GRIK4: variants seen among roughly 807,000 people sequenced by gnomAD.
GRIK4 encodes the protein glutamate ionotropic receptor kainate type subunit 4.
In GRIK4, 40 loss-of-function variants were observed where a neutral mutation model predicts 104.9. The observed-to-expected ratio is 0.38, with a 90% CI of 0.30 to 0.50. GRIK4 has a LOEUF of 0.50. Ranked by LOEUF, GRIK4 falls within the 20% of genes least tolerant of loss-of-function variation. The probability of loss-of-function intolerance (pLI) is 0.93; values close to 1 mark genes in which losing one functional copy is unlikely to be tolerated. For missense variants in GRIK4, 1,047 were observed against 1,308.1 expected (o/e 0.80, Z 3.08); for synonymous variants, 485 against 524.9 (o/e 0.92, Z 1.04).
At chr11:120,797,875 C>T (rs932923924) in intron 3 of GRIK4, among the ~76,000 whole-genome samples, 4 of 152,180 alleles carry the variant, frequency 2.6e-5, no homozygotes, top group South Asian at 2.1e-4. Flanking sequence ...CTATTTCCCA[C>T]GTACTCATTT....
intron 11 of GRIK4, among the ~76,000 whole-genome samples, chr11:120,881,704 G>A (rs1954972130): frequency 6.6e-6 from 1 of 152,198 alleles, no homozygotes; most frequent in Admixed American, 6.5e-5. Context: ...TAGGAGGTCA[G>A]GCTGCCTCTC....
intron 3 of GRIK4, among the ~76,000 whole-genome samples, chr11:120,744,309 TC>T (rs1453002228): frequency 2.0e-5 from 3 of 151,782 alleles, no homozygotes; most frequent in South Asian, 4.2e-4. Context: ...GCTTCTTTTT[TC>T]CCCCCGGGCC....
At chr11:120,738,696 G>A (rs1051197098) in intron 3 of GRIK4, among the ~76,000 whole-genome samples, 1 of 152,224 alleles carries the variant, frequency 6.6e-6, no homozygotes, top group Admixed American at 6.5e-5. Flanking sequence ...GGCAACAGCA[G>A]CCAACTGCTG....
At chr11:120,955,663 C>A (rs913221997) in intron 15 of GRIK4, among the ~76,000 whole-genome samples, 7 of 152,216 alleles carry the variant, frequency 4.6e-5, no homozygotes, top group African/African-American at 1.7e-4. Flanking sequence ...CCCCACCTCA[C>A]CCCAAGGCAC....
chr11:120,784,973 T>C (rs1952234561), intron 3 of GRIK4, among the ~76,000 whole-genome samples: 1 of 152,206 alleles, frequency 6.6e-6, no homozygotes, highest in South Asian at 2.1e-4. Context: ...GAAGCTGATC[T>C]GGGCTAGGTC....
intron 1 of GRIK4, among the ~76,000 whole-genome samples, chr11:120,536,642 G>T (rs1453003643): frequency 3.3e-5 from 5 of 152,150 alleles, no homozygotes; most frequent in African/African-American, 1.2e-4. Flanking sequence ...GCCTGTTCTG[G>T]TTGACGTATG....
rs1409191732 is a variant in GRIK4 at position 120,543,184 on chromosome 11, G to A, written c.-159+31297G>A. 2.0e-5 allele frequency among the ~76,000 whole-genome samples: 3 copies of A among 152,196 alleles called. No homozygotes were observed. The East Asian group carries it at 5.8e-4, about 29-fold the overall frequency. On this transcript the variant is annotated intron_variant, in intron 1 of 20. Transcript: ENST00000527524. ...GTACTAGGCTTAGTACCTGGGTGAT[G>A]AAATAATCTGTACATCAAACCCTGT... is the stretch of plus-strand genomic sequence containing the variant.
intron 1 of GRIK4, among the ~76,000 whole-genome samples, chr11:120,631,542 G>A (rs186136810): frequency 3.7e-4 from 56 of 152,170 alleles, no homozygotes; most frequent in African/African-American, 1.3e-3. Context: ...ACTCAGCAGC[G>A]TCCCCCTCCC....
chr11:120,924,009 G>A (rs988675813), intron 13 of GRIK4, among the ~76,000 whole-genome samples: 9 of 152,252 alleles, frequency 5.9e-5, no homozygotes, highest in East Asian at 1.9e-4. Context: ...AAGTCCTGGG[G>A]GGCGATTACA....
At chr11:120,519,107 T>C (rs1947765047) in intron 1 of GRIK4, among the ~76,000 whole-genome samples, 1 of 152,248 alleles carries the variant, frequency 6.6e-6, no homozygotes, top group South Asian at 2.1e-4. Context: ...GGATAGGGCC[T>C]TGTGCTTTTG....
At chr11:120,593,550 C>G (rs1015839726) in intron 1 of GRIK4, among the ~76,000 whole-genome samples, 1 of 152,120 alleles carries the variant, frequency 6.6e-6, no homozygotes, top group Non-Finnish European at 1.5e-5. Flanking sequence ...TTGACTCCCC[C>G]TTTACTCCTG....
intron 1 of GRIK4, among the ~76,000 whole-genome samples, chr11:120,570,683 T>G (rs937729440): frequency 2.6e-5 from 4 of 152,170 alleles, no homozygotes; most frequent in Non-Finnish European, 5.9e-5. Flanking sequence ...CTCGAACTGC[T>G]GGGTTCAAGT....
chr11:120,535,379 T>G (rs1565541682), intron 1 of GRIK4, among the ~76,000 whole-genome samples: 10 of 132,880 alleles, frequency 7.5e-5, no homozygotes, highest in South Asian at 2.4e-4. Flanking sequence ...AAGGGGGAGG[T>G]AAGAGGGAGG....
intron 3 of GRIK4, among the ~76,000 whole-genome samples, chr11:120,759,859 T>C (rs781508069): frequency 5.3e-5 from 8 of 152,078 alleles, no homozygotes; most frequent in Admixed American, 2.0e-4. Context: ...TTTTATTGTA[T>C]ATATTTGAGG....
At chr11:120,937,189 C>T (rs181643786) in intron 13 of GRIK4, among the ~76,000 whole-genome samples, 6 of 152,272 alleles carry the variant, frequency 3.9e-5, no homozygotes, top group East Asian at 3.9e-4. Context: ...CAGACGTGCA[C>T]CACCATGCCC....
chr11:120,513,562 G>A lies in GRIK4; in HGVS notation c.-159+1675G>A, dbSNP rs1050693075. 2.0e-5 allele frequency among the ~76,000 whole-genome samples: 3 copies of A among 152,198 alleles called. No homozygotes were observed. Among genetic ancestry groups the A allele is most frequent in the Non-Finnish European group, 4.4e-5 (3 of 68,048 alleles). ...GGTTTATTATTTTTCTCACTGGCCA[G>A]ATGTGTTCCTCAAGGTCACGACCCT... is the stretch of plus-strand genomic sequence containing the variant. On this transcript the variant is annotated intron_variant, in intron 1 of 20. Coordinates refer to ENST00000527524, the MANE Select transcript of GRIK4 (RefSeq NM_014619.5). This position sits in a 1 kb window ranked among gnomAD's most constrained non-coding sequence, Gnocchi z 4.5.
chr11:120,831,342 C>G (rs948575703), intron 6 of GRIK4, among the ~76,000 whole-genome samples: 1 of 152,230 alleles, frequency 6.6e-6, no homozygotes, highest in Admixed American at 6.5e-5. Context: ...GGCCTGAGCC[C>G]TTCACACGTG....
intron 1 of GRIK4, among the ~76,000 whole-genome samples, chr11:120,581,235 T>C (rs1948576949): frequency 6.6e-6 from 1 of 152,220 alleles, no homozygotes; most frequent in African/African-American, 2.4e-5. Context: ...CTCTCTGTCT[T>C]CTTTAAATTA....
At chr11:120,687,866 C>G (rs1950299632) in intron 3 of GRIK4, among the ~76,000 whole-genome samples, 1 of 152,170 alleles carries the variant, frequency 6.6e-6, no homozygotes, top group African/African-American at 2.4e-5. Context: ...CTGTTCAGTG[C>G]CTCAGAATGG....
Sources: gnomAD v4.1 joint callset for allele counts (sites outside exome capture counted in the v4.1 genomes callset) on GRCh38, gnomAD v4.1.1 for gene constraint, Gnocchi (gnomAD v3.1) non-coding constraint, MANE v1.5 for transcripts, NCBI Gene and HGNC (gene_info 2026-07-23, HGNC 2026-07-21) for gene names.